Variants in FAM13A observed in about 807,000 individuals in gnomAD.
FAM13A encodes the protein protein FAM13A.
In FAM13A, 76 loss-of-function variants were observed where a neutral mutation model predicts 129.6. That is an observed-to-expected ratio of 0.59 (90% CI 0.49 to 0.71). FAM13A has a LOEUF of 0.71. Among genes scored for constraint, FAM13A ranks in the 30% least tolerant of loss-of-function variants. The pLI, the probability that FAM13A is intolerant of heterozygous loss-of-function variation, is 0.00. For synonymous variants in FAM13A, 443 were observed against 449.9 expected (o/e 0.98, Z 0.20); for missense variants, 1,108 against 1,249.3 (o/e 0.89, Z 1.70).
Position 88,781,275 on chromosome 4 carries a change from C to T in FAM13A, c.1348G>A (p.Glu450Lys), listed in dbSNP as rs144044982. 3.2e-5 allele frequency: 52 copies of T among 1,612,784 alleles called. No individual in the cohort carries two copies. Among genetic ancestry groups the T allele is most frequent in the Admixed American group, 2.3e-4 (14 of 59,900 alleles). Residue 450 changes from glutamate (E) to lysine (K), a missense_variant, in exon 11 of 24, where the codon GAA (glutamate) becomes AAA (lysine). By Grantham distance (56) the Glu-to-Lys change is moderately conservative. Transcript: ENST00000264344. ...DDCILNTQEV[E>K]KVHKNTFGCA... ...CCAAAAGTATTTTTGTGTACCTTTT[C>T]GACTTCCTGAGTATTCAAAATACAA... is the stretch of plus-strand genomic sequence containing the variant.
chr4:89,029,877 A>C, intron 1 of FAM13A: 1 of 544,764 alleles, frequency 1.8e-6, no homozygotes, highest in Non-Finnish European at 3.2e-6. Context: ...TGAAGTGTGC[A>C]GCTAAGAGAG....
At chr4:88,820,756 G>A (rs1287972584) in intron 7 of FAM13A, among the ~76,000 whole-genome samples, 1 of 152,202 alleles carries the variant, frequency 6.6e-6, no homozygotes, top group African/African-American at 2.4e-5. Context: ...TGGATGCAGT[G>A]AGTCTAGGGA....
At chr4:88,973,880 T>C (rs1477509313) in intron 4 of FAM13A, among the ~76,000 whole-genome samples, 2 of 152,190 alleles carry the variant, frequency 1.3e-5, no homozygotes, top group Non-Finnish European at 2.9e-5. Context: ...ATTCTCAGTT[T>C]TTCCTACCCA....
intron 4 of FAM13A, among the ~76,000 whole-genome samples, chr4:88,947,862 C>T (rs1174151088): frequency 6.6e-6 from 1 of 151,940 alleles, no homozygotes; most frequent in African/African-American, 2.4e-5. Context: ...TATTCTCAGG[C>T]CTTGAGAGGC....
Position 88,747,871 on chromosome 4 carries a change from GGT to G in FAM13A, c.2162-22_2162-21del, listed in dbSNP as rs753364068. 2.3e-5 allele frequency: 34 copies of G among 1,506,074 alleles called. No individual in the cohort carries two copies. The highest frequency in any genetic ancestry group is 3.0e-5 in the Non-Finnish European group (33 of 1,086,234). The allele number at this position is 1,506,074 out of a possible 1,614,324, so 93.3% of individuals were successfully genotyped here. On this transcript the variant is annotated intron_variant, in intron 17 of 23. Coordinates refer to ENST00000264344, the MANE Select transcript of FAM13A (RefSeq NM_014883.4). ...TTGATTCTAGTTGAGAAGATTTGGG[GGT>G]AAAGATATATGAGATTTATTTATTT...
chr4:88,954,864 C>T (rs959668398), intron 4 of FAM13A, among the ~76,000 whole-genome samples: 3 of 145,344 alleles, frequency 2.1e-5, no homozygotes, highest in African/African-American at 5.1e-5. Flanking sequence ...CCAGCCTGGG[C>T]GACAGAGCAA....
At chr4:88,735,184 A>G in intron 21 of FAM13A, among the ~76,000 whole-genome samples, 1 of 152,184 alleles carries the variant, frequency 6.6e-6, no homozygotes, top group Non-Finnish European at 1.5e-5. Context: ...CAGTATGTCT[A>G]TCTCATGTTG....
chr4:88,778,139 T>C (rs889034442), intron 11 of FAM13A, among the ~76,000 whole-genome samples: 3 of 152,160 alleles, frequency 2.0e-5, no homozygotes, highest in African/African-American at 7.2e-5. Context: ...GACTCTCACA[T>C]TTGTATCTCT....
At chr4:88,927,445 T>A (rs77490662) in intron 5 of FAM13A, among the ~76,000 whole-genome samples, 5 of 151,180 alleles carry the variant, frequency 3.3e-5, no homozygotes, top group East Asian at 1.9e-4. Flanking sequence ...TTTTTTTTTT[T>A]AATCTTGCTT....
intron 5 of FAM13A, among the ~76,000 whole-genome samples, chr4:88,910,928 G>A (rs541132308): frequency 1.3e-5 from 2 of 152,114 alleles, no homozygotes; most frequent in Non-Finnish European, 2.9e-5. Context: ...GATTACAGGC[G>A]TGAGCCACCA....
chr4:88,780,283 G>A (rs767955880), intron 11 of FAM13A, among the ~76,000 whole-genome samples: 6 of 152,154 alleles, frequency 3.9e-5, no homozygotes, highest in Non-Finnish European at 5.9e-5. Context: ...TGAGAAAATA[G>A]GTGGCCCATG....
intron 6 of FAM13A, among the ~76,000 whole-genome samples, chr4:88,900,496 C>T (rs1747112379): frequency 6.6e-6 from 1 of 152,020 alleles, no homozygotes; most frequent in Non-Finnish European, 1.5e-5. Flanking sequence ...CAATATTCAA[C>T]ATTCTTAAAA....
intron 11 of FAM13A, chr4:88,768,294 A>G (rs2149548487): frequency 2.9e-6 from 1 of 341,386 alleles, no homozygotes; most frequent in South Asian, 6.2e-5. Context: ...TGACAGCATC[A>G]CAGAAATGGC....
At chr4:89,001,884 C>T (rs1764297541) in intron 3 of FAM13A, among the ~76,000 whole-genome samples, 1 of 151,858 alleles carries the variant, frequency 6.6e-6, no homozygotes, top group South Asian at 2.1e-4. Context: ...TTAAAATGGC[C>T]CTATTATTAC....
chr4:89,022,344 A>G (rs369947965), intron 2 of FAM13A, among the ~76,000 whole-genome samples: 43 of 152,208 alleles, frequency 2.8e-4, no homozygotes, highest in East Asian at 1.5e-3. Flanking sequence ...ATTCAACACT[A>G]TCATTACCCT....
At chr4:88,991,449 T>A (rs1041034015) in intron 3 of FAM13A, among the ~76,000 whole-genome samples, 28 of 151,892 alleles carry the variant, frequency 1.8e-4, no homozygotes, top group Middle Eastern at 3.4e-3. Flanking sequence ...AAATAAAAAA[T>A]AATAATAATA....
At chr4:88,766,312 A>C (rs1196846841) in intron 13 of FAM13A, among the ~76,000 whole-genome samples, 1 of 152,210 alleles carries the variant, frequency 6.6e-6, no homozygotes, top group African/African-American at 2.4e-5. Flanking sequence ...CTTTAAAAGG[A>C]TGCCTAGAGA....
At chr4:88,878,779 C>T (rs1463451182) in intron 6 of FAM13A, among the ~76,000 whole-genome samples, 1 of 152,210 alleles carries the variant, frequency 6.6e-6, no homozygotes, top group Non-Finnish European at 1.5e-5. Context: ...CCCCAGTAGA[C>T]TGGACATCTG....
chr4:88,987,711 G>A (rs1010847996), intron 4 of FAM13A, among the ~76,000 whole-genome samples: 3 of 151,474 alleles, frequency 2.0e-5, no homozygotes, highest in African/African-American at 7.3e-5. Flanking sequence ...GCGTGGTGGC[G>A]GGCGCCTGTA....
Sources: gnomAD v4.1 joint callset for allele counts (sites outside exome capture counted in the v4.1 genomes callset) on GRCh38, gnomAD v4.1.1 for gene constraint, MANE v1.5 for transcripts, NCBI Gene and HGNC (gene_info 2026-07-23, HGNC 2026-07-21) for gene names.